The following KCND2 variants were observed in gnomAD, a reference collection of about 807,000 sequenced individuals.
The protein encoded by KCND2 is potassium voltage-gated channel subfamily D member 2.
Under a neutral mutation model 54.4 loss-of-function variants are expected in KCND2, and 16 were observed. The observed-to-expected ratio is 0.29, with a 90% CI of 0.20 to 0.45. The LOEUF (loss-of-function observed/expected upper bound fraction) is 0.45. Ranked by LOEUF, KCND2 falls within the 20% of genes least tolerant of loss-of-function variation. The pLI is 1.00. For missense variants in KCND2, 486 were observed against 824.2 expected, an observed-to-expected ratio of 0.59 and a Z score of 5.02; for synonymous variants, 317 against 310.7, an observed-to-expected ratio of 1.02 and a Z score of -0.21.
chr7:120,404,767 G>A (rs200287981), intron 1 of KCND2, among the ~76,000 whole-genome samples: 2 of 64,508 alleles, frequency 3.1e-5, no homozygotes, highest in Non-Finnish European at 5.8e-5. Context: ...ACTGATTTTT[G>A]GGGGGGGACC....
At chr7:120,540,093 TA>T (rs1179257795) in intron 1 of KCND2, among the ~76,000 whole-genome samples, 1 of 152,110 alleles carries the variant, frequency 6.6e-6, no homozygotes, top group Non-Finnish European at 1.5e-5. Flanking sequence ...GACGGGGTCT[TA>T]ACATGTTGCC....
At position 120,514,294 on chromosome 7, in the gene KCND2, A is replaced by G. The variant is rs191404744; in HGVS notation, c.1116-218609A>G. Among the ~76,000 whole-genome samples, 393 of 152,240 alleles carry G rather than the reference A, an allele frequency of 2.6e-3. 1 individual carries two copies. The highest frequency in any genetic ancestry group is 9.1e-3 in the African/African-American group (377 of 41,564). Reference sequence around the variant, plus strand: ...ACCAAAAACTCAAAAGACAGTTACAATGCTTTGTAACTATCAAAAATATTT... The same window carrying G: ...ACCAAAAACTCAAAAGACAGTTACAGTGCTTTGTAACTATCAAAAATATTT... On this transcript the variant is annotated intron_variant, in intron 1 of 5. Coordinates refer to ENST00000331113, the MANE Select transcript of KCND2 (RefSeq NM_012281.3).
chr7:120,419,585 T>C (rs1355383834), intron 1 of KCND2, among the ~76,000 whole-genome samples: 1 of 152,164 alleles, frequency 6.6e-6, no homozygotes, highest in African/African-American at 2.4e-5. Flanking sequence ...TGATTCACAA[T>C]GTGGGGAAGA....
At chr7:120,695,655 G>A (rs1363273032) in intron 1 of KCND2, among the ~76,000 whole-genome samples, 1 of 152,198 alleles carries the variant, frequency 6.6e-6, no homozygotes, top group Non-Finnish European at 1.5e-5. Context: ...AAATACATTT[G>A]TTGATTATGA....
chr7:120,442,414 A>AT (rs1801957868), intron 1 of KCND2, among the ~76,000 whole-genome samples: 1 of 152,122 alleles, frequency 6.6e-6, no homozygotes, highest in Non-Finnish European at 1.5e-5. Context: ...GCAACTCCTG[A>AT]TATAAAATAA....
intron 1 of KCND2, among the ~76,000 whole-genome samples, chr7:120,405,174 G>T (rs989029143): frequency 1.3e-5 from 2 of 151,944 alleles, no homozygotes; most frequent in African/African-American, 4.8e-5. Flanking sequence ...TCCAGTACAG[G>T]TTTAGTCTTT....
At chr7:120,384,198 C>T (rs1273382019) in intron 1 of KCND2, among the ~76,000 whole-genome samples, 1 of 151,502 alleles carries the variant, frequency 6.6e-6, no homozygotes, top group East Asian at 1.9e-4. Context: ...GCGATATTTT[C>T]ATTGTTTTTT....
chr7:120,315,765 A>T (rs1419360314), intron 1 of KCND2, among the ~76,000 whole-genome samples: 5 of 137,518 alleles, frequency 3.6e-5, no homozygotes, highest in African/African-American at 1.1e-4. Flanking sequence ...TTCCATAAGC[A>T]GTGTGTGTGT....
At chr7:120,330,082 C>G (rs982299827) in intron 1 of KCND2, among the ~76,000 whole-genome samples, 11 of 152,072 alleles carry the variant, frequency 7.2e-5, no homozygotes, top group Non-Finnish European at 1.5e-4. Context: ...AATAATCAAT[C>G]CAATGTCTAG....
chr7:120,535,974 T>C (rs1791901777), intron 1 of KCND2, among the ~76,000 whole-genome samples: 1 of 152,102 alleles, frequency 6.6e-6, no homozygotes, highest in African/African-American at 2.4e-5. Context: ...TTTTATTCAG[T>C]CTCCTGCTAG....
chr7:120,603,526 A>G (rs1161680391), intron 1 of KCND2, among the ~76,000 whole-genome samples: 1 of 152,178 alleles, frequency 6.6e-6, no homozygotes, highest in Non-Finnish European at 1.5e-5. Context: ...TGAGCTTGAT[A>G]TGTATGACTG....
intron 1 of KCND2, among the ~76,000 whole-genome samples, chr7:120,683,618 T>C (rs1219156691): frequency 6.6e-6 from 1 of 152,148 alleles, no homozygotes; most frequent in East Asian, 1.9e-4. Flanking sequence ...TATCTAAACA[T>C]GATTATGACA....
chr7:120,475,735 G>A (rs932224860), intron 1 of KCND2, among the ~76,000 whole-genome samples: 12 of 152,174 alleles, frequency 7.9e-5, no homozygotes, highest in Admixed American at 1.3e-4. Flanking sequence ...ATTATAGTAA[G>A]CAATAGAAAA....
At chr7:120,476,044 A>G (rs1174211877) in intron 1 of KCND2, among the ~76,000 whole-genome samples, 1 of 152,210 alleles carries the variant, frequency 6.6e-6, no homozygotes, top group Non-Finnish European at 1.5e-5. Flanking sequence ...AGGTTTTAAC[A>G]TGTAGTTACT....
intron 1 of KCND2, among the ~76,000 whole-genome samples, chr7:120,413,104 T>C (rs1294233428): frequency 6.6e-6 from 1 of 152,064 alleles, no homozygotes; most frequent in Non-Finnish European, 1.5e-5. Flanking sequence ...TTCCCAATAC[T>C]GTAATTATGA....
intron 1 of KCND2, among the ~76,000 whole-genome samples, chr7:120,583,178 G>A (rs1792541946): frequency 6.6e-6 from 1 of 151,906 alleles, no homozygotes; most frequent in African/African-American, 2.4e-5. Flanking sequence ...AAGGAATACA[G>A]CGTAGCTCTT....
At chr7:120,631,990 A>G (rs1375142353) in intron 1 of KCND2, among the ~76,000 whole-genome samples, 2 of 152,080 alleles carry the variant, frequency 1.3e-5, no homozygotes, top group East Asian at 3.9e-4. Flanking sequence ...GTCTCAATTC[A>G]TGATGTCAGG....
chr7:120,435,732 G>GATAT lies in KCND2; in HGVS notation c.1115+159999_1115+160002dup, dbSNP rs112011873. Among the ~76,000 whole-genome samples the GATAT allele has an allele frequency of 5.4e-3, 804 of 148,660 alleles. 6 individuals carry two copies. The highest frequency in any genetic ancestry group is 0.019 in the African/African-American group (758 of 40,780). On this transcript the variant is annotated intron_variant, in intron 1 of 5. Coordinates refer to ENST00000331113, the MANE Select transcript of KCND2 (RefSeq NM_012281.3). ...TATCTTCTGGCATGTCTAACCAGTG[G>GATAT]ATATATATATATATATAGCCAGTCT...
chr7:120,707,950 A>AG (rs552105633), intron 1 of KCND2, among the ~76,000 whole-genome samples: 247 of 152,246 alleles, frequency 1.6e-3, no homozygotes, highest in African/African-American at 5.6e-3. Context: ...GCTAGCCTGC[A>AG]GTCAGAACTG....
Sources: allele counts gnomAD v4.1 joint callset (sites outside exome capture counted in the v4.1 genomes callset), GRCh38; gene constraint gnomAD v4.1.1; transcripts MANE v1.5; gene names NCBI Gene and HGNC (gene_info 2026-07-23, HGNC 2026-07-21).